UBTF: variants seen among roughly 807,000 people sequenced by gnomAD.
UBTF encodes the protein nucleolar transcription factor 1.
Under a neutral mutation model 112.3 loss-of-function variants are expected in UBTF, and 8 were observed. The ratio of observed to expected loss-of-function variants is 0.07; its 90% CI spans 0.04 to 0.13. The LOEUF is 0.13. Ranked by LOEUF, UBTF falls within the 10% of genes least tolerant of loss-of-function variation. UBTF has a pLI of 1.00. For missense variants in UBTF, 457 were observed against 982.1 expected (o/e 0.47, Z 7.15); for synonymous variants, 417 against 373.1 (o/e 1.12, Z -1.36).
In UBTF at chr17:44,207,600, T is replaced by G. The variant is rs751405969; in HGVS notation, c.2026-3A>C. The G allele has an allele frequency of 6.2e-7, 1 of 1,614,034 alleles. No individual in the cohort carries two copies. The highest frequency in any genetic ancestry group is 1.7e-5 in the Admixed American group (1 of 60,010). ...TCTTCATCATCCTCCTCGGACTCCTTGGAGGGATGGAGGCACATCAGTGGT... is the reference window on the plus strand; with the variant it reads ...TCTTCATCATCCTCCTCGGACTCCTGGGAGGGATGGAGGCACATCAGTGGT... On this transcript the variant is annotated splice_region_variant and splice_polypyrimidine_tract_variant and intron_variant, in intron 19 of 20. Coordinates refer to ENST00000436088, the MANE Select transcript of UBTF (RefSeq NM_014233.4).
chr17:44,207,603 AG>A lies in UBTF; in HGVS notation c.2026-7del. ...TCATCATCCTCCTCGGACTCCTTGG[AG>A]GGATGGAGGCACATCAGTGGTCTCT... On this transcript the variant is annotated splice_polypyrimidine_tract_variant and splice_region_variant and intron_variant, in intron 19 of 20. Transcript: ENST00000436088. 6.2e-7 allele frequency: 1 copy of A among 1,614,024 alleles called. No individual in the cohort carries two copies. The highest frequency in any genetic ancestry group is 8.5e-7 in the Non-Finnish European group (1 of 1,179,992).
At position 44,207,100 on chromosome 17, in the gene UBTF, A is replaced by ATTT; in HGVS notation, c.*139_*141dup. ...TCCTCCAGCCCCCTACCCCCACCGTATTTTTTTTTTTTTTTAAAGAAAGAA... is the reference window on the plus strand; with the variant it reads ...TCCTCCAGCCCCCTACCCCCACCGTATTTTTTTTTTTTTTTTTTAAAGAAAGAA... On this transcript the variant is annotated 3_prime_UTR_variant, in exon 21 of 21. Transcript: ENST00000436088. 8.7e-6 allele frequency: 7 copies of ATTT among 803,470 alleles called. No homozygotes were observed. Among genetic ancestry groups the ATTT allele is most frequent in the Non-Finnish European group, 1.3e-5 (7 of 533,018 alleles). The allele number at this position is 803,470 out of a possible 1,614,324, so 49.8% of individuals were successfully genotyped here.
intron 2 of UBTF, among the ~76,000 whole-genome samples, chr17:44,217,934 C>A (rs2046928721): frequency 6.6e-6 from 1 of 152,178 alleles, no homozygotes; most frequent in South Asian, 2.1e-4. Flanking sequence ...AGGCAGGCCT[C>A]CTCTAACACA....
In UBTF at chr17:44,212,582, C is replaced by T. The variant is rs1033707965; in HGVS notation, c.661-128G>A. 6.8e-6 allele frequency: 7 copies of T among 1,035,916 alleles called. 1 individual carries two copies. Among genetic ancestry groups the T allele is most frequent in the Middle Eastern group, 6.3e-4 (2 of 3,180 alleles). The allele number at this position is 1,035,916 out of a possible 1,614,324, so 64.2% of individuals were successfully genotyped here. A position where few individuals can be genotyped will look rare whatever the true frequency, so the allele number is the denominator to read the frequency against. ...GGTCACATCAGTGTCCCCCACAGGCCAGGAGGGGAAGGCGGAGAGGCGGGG... is the reference window on the plus strand; with the variant it reads ...GGTCACATCAGTGTCCCCCACAGGCTAGGAGGGGAAGGCGGAGAGGCGGGG... On this transcript the variant is annotated intron_variant, in intron 7 of 20. Coordinates refer to ENST00000436088, the MANE Select transcript of UBTF (RefSeq NM_014233.4).
intron 3 of UBTF, 124 bp downstream of exon 3, chr17:44,216,405 G>T: frequency 8.6e-7 from 1 of 1,164,568 alleles, no homozygotes; most frequent in Non-Finnish European, 1.2e-6. Flanking sequence ...CAGGTAGAGA[G>T]CTAACGGGAG....
Position 44,213,199 on chromosome 17 carries a change from C to T in UBTF, c.539+19G>A. 6.2e-7 allele frequency: 1 copy of T among 1,611,784 alleles called. No homozygotes were observed. ...GCCCCCAGTGCCCCGTGGCCCTCCT[C>T]TGGGCTCCACTGCCTTACCTGAATC... is the stretch of plus-strand genomic sequence containing the variant. On this transcript the variant is annotated intron_variant, in intron 6 of 20. Transcript: ENST00000436088.
At position 44,210,390 on chromosome 17, in the gene UBTF, C is replaced by T. The variant is rs745960900; in HGVS notation, c.1443G>A (p.Leu481=). Residue 481 remains leucine (L), a synonymous_variant, in exon 14 of 21, where the codon CTG becomes CTA. Coordinates refer to ENST00000436088, the MANE Select transcript of UBTF (RefSeq NM_014233.4). The part of the protein sequence containing the change: ...PGGEREERGK[L]PESPKRAEEI... ...CCTCAGCTCTTTTGGGGGACTCGGG[C>T]AGCTTGCCCCGTTCCTCGCGCTCCC... The T allele has an allele frequency of 2.5e-6, 4 of 1,614,088 alleles. No individual in the cohort carries two copies. The highest frequency in any genetic ancestry group is 1.7e-6 in the Non-Finnish European group (2 of 1,180,048).
rs1159358193 is a variant in UBTF, at chr17:44,207,183, G to A, written c.*59C>T. On this transcript the variant is annotated 3_prime_UTR_variant, in exon 21 of 21. Coordinates refer to ENST00000436088, the MANE Select transcript of UBTF (RefSeq NM_014233.4). ...AGAACATGGGGGAGAAACAAAGGTG[G>A]TCAGTTGGGGAGGGGAGCTCCTGGG... 6.3e-7 allele frequency: 1 copy of A among 1,596,712 alleles called. No homozygotes were observed. The highest frequency in any genetic ancestry group is 1.7e-5 in the Admixed American group (1 of 59,460).
upstream of UBTF, chr17:44,220,829 G>C (rs537121398): frequency 1.3e-5 from 2 of 152,250 alleles, no homozygotes; most frequent in Non-Finnish European, 2.9e-5. Flanking sequence ...GCCGACGCCG[G>C]GGCAGCGAGT....
At chr17:44,212,201 G>C (rs2056730194) in intron 8 of UBTF, 143 bp downstream of exon 8, 2 of 716,176 alleles carry the variant, frequency 2.8e-6, no homozygotes, top group East Asian at 2.6e-5. Flanking sequence ...GGGGAAGGTA[G>C]GGGCAGAGGT....
At chr17:44,220,120 G>T (rs547295443), upstream of UBTF, among the ~76,000 whole-genome samples, 26 of 142,716 alleles carry the variant, frequency 1.8e-4, no homozygotes, top group South Asian at 6.1e-3. Flanking sequence ...ACACGCAGCC[G>T]CCCGGATGGC....
chr17:44,214,907 T>C (rs2046769898), intron 5 of UBTF, among the ~76,000 whole-genome samples: 1 of 152,190 alleles, frequency 6.6e-6, no homozygotes, highest in Non-Finnish European at 1.5e-5. Flanking sequence ...TCGTGTCCCA[T>C]CTGCAGGCTC....
rs996938320 is a variant in UBTF at position 44,211,829 on chromosome 17, T to C, written c.905+44A>G. 3 of 1,603,408 alleles carry C rather than the reference T, an allele frequency of 1.9e-6. No homozygotes were observed. Among genetic ancestry groups the C allele is most frequent in the African/African-American group, 2.7e-5 (2 of 74,756 alleles). ...TCTCACCTGCAGAGCCCAGCCCAAC[T>C]TCCCAGCTGCCCACTCGCCCACCCA... On this transcript the variant is annotated intron_variant, in intron 9 of 20. Coordinates refer to ENST00000436088, the MANE Select transcript of UBTF (RefSeq NM_014233.4). The surrounding 1 kb of genome is among the most constrained non-coding windows in gnomAD (Gnocchi z 4.9).
chr17:44,219,846 C>A (rs892605841), upstream of UBTF: 1 of 150,754 alleles, frequency 6.6e-6, no homozygotes, highest in Non-Finnish European at 1.5e-5. Flanking sequence ...CGAGCGCGTC[C>A]TTCCCCGTAG....
At chr17:44,218,500 C>T in intron 1 of UBTF, 1 of 445,272 alleles carries the variant, frequency 2.2e-6, no homozygotes, top group Non-Finnish European at 3.9e-6. Flanking sequence ...AGCCCGGCTC[C>T]GCGGCGCGCG....
intron 1 of UBTF, among the ~76,000 whole-genome samples, chr17:44,218,798 C>T (rs1043599059): frequency 1.1e-4 from 16 of 150,550 alleles, no homozygotes; most frequent in Non-Finnish European, 2.2e-4. Flanking sequence ...GGACGCAGCG[C>T]AGCCGCCGCC....
At chr17:44,216,092 C>T in intron 3 of UBTF, 103 bp from the exon 4 acceptor site, 1 of 937,208 alleles carries the variant, frequency 1.1e-6, no homozygotes, top group Non-Finnish European at 1.7e-6. Flanking sequence ...CTTTACTAGA[C>T]TAAATTTACC....
rs187856495 is a variant in UBTF at position 44,211,777 on chromosome 17, C to A, written c.906-30G>T. 9 of 1,600,260 alleles carry A rather than the reference C, an allele frequency of 5.6e-6. No individual in the cohort carries two copies. In the East Asian group the frequency reaches 2.0e-4, roughly 36 times the overall value. On this transcript the variant is annotated intron_variant, in intron 9 of 20. Coordinates refer to ENST00000436088, the MANE Select transcript of UBTF (RefSeq NM_014233.4). This position sits in a 1 kb window ranked among gnomAD's most constrained non-coding sequence, Gnocchi z 4.9. ...CAGAGCCGCGGGGAGAGAGGTGCAG[C>A]CCGTAAGCGAGCAGGGCAGCAGGCC...
Position 44,207,735 on chromosome 17 carries a change from G to C in UBTF, c.1989C>G (p.Asn663Lys), listed in dbSNP as rs2056351035. The stretch of plus-strand genomic sequence containing the variant: ...GCAGAGTAGTCCGGCTGGATTTGGG[G>C]TTTGGGCCTCGCAGCTTGGTCATGC... Reference protein sequence around the residue: ...RKSMTKLRGPNPKSSRTTLQS... With the variant: ...RKSMTKLRGPKPKSSRTTLQS... Residue 663 changes from asparagine (N) to lysine (K), a missense_variant, in exon 19 of 21, where the codon AAC becomes AAG. Physicochemically the swap from Asn to Lys is moderately conservative, Grantham distance 94 (BLOSUM62 0). Coordinates refer to ENST00000436088, the MANE Select transcript of UBTF (RefSeq NM_014233.4). The C allele has an allele frequency of 5.0e-6, 8 of 1,614,190 alleles. No individual in the cohort carries two copies. The highest frequency in any genetic ancestry group is 3.3e-5 in the South Asian group (3 of 91,084).
Sources: gnomAD v4.1 joint callset for allele counts (sites outside exome capture counted in the v4.1 genomes callset) on GRCh38, gnomAD v4.1.1 for gene constraint, Gnocchi (gnomAD v3.1) non-coding constraint, MANE v1.5 for transcripts, NCBI Gene and HGNC (gene_info 2026-07-23, HGNC 2026-07-21) for gene names.